The following VSNL1 variants were observed in gnomAD, a reference collection of about 807,000 sequenced individuals.
VSNL1 encodes visinin like 1.
A neutral mutation model predicts 20.4 loss-of-function variants in VSNL1; 6 were observed. The ratio of observed to expected loss-of-function variants is 0.29; its 90% CI spans 0.16 to 0.58. The LOEUF is 0.58. Among genes scored for constraint, VSNL1 ranks in the 20% least tolerant of loss-of-function variants. The probability of loss-of-function intolerance (pLI) is 0.90; values close to 1 mark genes in which losing one functional copy is unlikely to be tolerated. For missense variants in VSNL1, 100 were observed against 234.5 expected, an observed-to-expected ratio of 0.43 and a Z score of 3.75; for synonymous variants, 93 against 86.4, an observed-to-expected ratio of 1.08 and a Z score of -0.42.
At chr2:17,602,097 A>G (rs1664833683) in intron 2 of VSNL1, among the ~76,000 whole-genome samples, 1 of 152,188 alleles carries the variant, frequency 6.6e-6, no homozygotes, top group African/African-American at 2.4e-5. Flanking sequence ...GGATCTGGCT[A>G]TCACTGACCC....
At position 17,549,258 on chromosome 2, in the gene VSNL1, G is replaced by C. The variant is rs115396616; in HGVS notation, c.-6+8340G>C. Among the ~76,000 whole-genome samples, 804 of 152,278 alleles carry C rather than the reference G, an allele frequency of 5.3e-3. 8 individuals carry two copies. Among genetic ancestry groups the C allele is most frequent in the African/African-American group, 0.019 (781 of 41,564 alleles). On this transcript the variant is annotated intron_variant, in intron 1 of 3. Transcript: ENST00000295156. ...CATGTTGCAGAACATGTTCAGATCA[G>C]GTTTAGCCTATCAGAACCTTCATTT...
At chr2:17,555,398 C>T (rs1419864120) in intron 1 of VSNL1, among the ~76,000 whole-genome samples, 1 of 152,154 alleles carries the variant, frequency 6.6e-6, no homozygotes, top group Non-Finnish European at 1.5e-5. Flanking sequence ...GGCTGAGATC[C>T]TGGAGCACTG....
chr2:17,589,013 T>A (rs1490144972), intron 1 of VSNL1, among the ~76,000 whole-genome samples: 25 of 152,098 alleles, frequency 1.6e-4, no homozygotes. Context: ...AAATACATAA[T>A]GATCATGGAA....
chr2:17,641,499 G>A (rs1228374388), intron 2 of VSNL1, among the ~76,000 whole-genome samples: 1 of 152,210 alleles, frequency 6.6e-6, no homozygotes, highest in Admixed American at 6.5e-5. Context: ...AAGAGTAATA[G>A]GTTGGTGGTT....
At chr2:17,547,720 T>G (rs1298665435) in intron 1 of VSNL1, among the ~76,000 whole-genome samples, 1 of 152,158 alleles carries the variant, frequency 6.6e-6, no homozygotes, top group Non-Finnish European at 1.5e-5. Context: ...CCCTTTCCAT[T>G]ATGCCTTTAC....
At chr2:17,605,183 T>A (rs577493896) in intron 2 of VSNL1, among the ~76,000 whole-genome samples, 28 of 152,256 alleles carry the variant, frequency 1.8e-4, no homozygotes, top group Non-Finnish European at 4.1e-4. Context: ...ACTCTAATTA[T>A]GACTGGGGAT....
At chr2:17,561,035 A>C (rs913326582) in intron 1 of VSNL1, among the ~76,000 whole-genome samples, 1 of 152,200 alleles carries the variant, frequency 6.6e-6, no homozygotes, top group African/African-American at 2.4e-5. Context: ...TATGACAGTT[A>C]ATCCAACTCA....
At position 17,644,611 on chromosome 2, in the gene VSNL1, C is replaced by T. The variant is rs564127549; in HGVS notation, c.163-4799C>T. On this transcript the variant is annotated intron_variant, in intron 2 of 3. Transcript: ENST00000295156. ...CTCAGATGGCACTGAGTTTGATCCT[C>T]CTGCACCCCTTAGTGATGTGACCTC... Among the ~76,000 whole-genome samples the T allele has an allele frequency of 1.5e-3, 226 of 152,338 alleles. 3 individuals carry two copies. The highest frequency in any genetic ancestry group is 3.4e-3 in the Middle Eastern group (1 of 294).
At chr2:17,597,562 T>C (rs1010929491) in intron 2 of VSNL1, among the ~76,000 whole-genome samples, 3 of 152,156 alleles carry the variant, frequency 2.0e-5, no homozygotes, top group Non-Finnish European at 4.4e-5. Context: ...TTGATCATCA[T>C]TGATTTAACA....
At chr2:17,553,413 T>G (rs1663596615) in intron 1 of VSNL1, among the ~76,000 whole-genome samples, 1 of 152,116 alleles carries the variant, frequency 6.6e-6, no homozygotes, top group African/African-American at 2.4e-5. Context: ...ATAGAAAAAT[T>G]AAAATATGGC....
intron 2 of VSNL1, among the ~76,000 whole-genome samples, chr2:17,646,865 G>A (rs16983747): frequency 0.014 from 2,094 of 152,246 alleles, 27 homozygotes; most frequent in African/African-American, 0.033. Flanking sequence ...AAATTGAAGG[G>A]AATGCAGCTT....
At chr2:17,548,043 C>T (rs1663440906) in intron 1 of VSNL1, among the ~76,000 whole-genome samples, 1 of 152,066 alleles carries the variant, frequency 6.6e-6, no homozygotes, top group African/African-American at 2.4e-5. Context: ...CTCTATTTTT[C>T]CAACCCATTT....
chr2:17,578,064 G>T (rs556787583), intron 1 of VSNL1, among the ~76,000 whole-genome samples: 8 of 152,246 alleles, frequency 5.3e-5, no homozygotes, highest in African/African-American at 1.7e-4. Context: ...ATAAGCTGTT[G>T]TTATTACTGC....
chr2:17,646,244 T>C (rs764870238), intron 2 of VSNL1, among the ~76,000 whole-genome samples: 2 of 152,228 alleles, frequency 1.3e-5, no homozygotes, highest in South Asian at 2.1e-4. Context: ...GCAGTACATA[T>C]GTGCTGCCAG....
At chr2:17,636,241 C>T (rs1234874262) in intron 2 of VSNL1, among the ~76,000 whole-genome samples, 1 of 151,826 alleles carries the variant, frequency 6.6e-6, no homozygotes, top group Non-Finnish European at 1.5e-5. Flanking sequence ...ACATGGATTC[C>T]ACCAAGCTCC....
chr2:17,544,569 T>C (rs2880657), intron 1 of VSNL1, among the ~76,000 whole-genome samples: 3 of 152,216 alleles, frequency 2.0e-5, no homozygotes, highest in African/African-American at 4.8e-5. Flanking sequence ...CATGTAGTTA[T>C]GAATTCCAAA....
intron 2 of VSNL1, among the ~76,000 whole-genome samples, chr2:17,632,014 G>A (rs766763928): frequency 7.2e-5 from 11 of 152,042 alleles, no homozygotes; most frequent in East Asian, 1.9e-4. Flanking sequence ...AGCCTCCCAC[G>A]TAGCTGGGAC....
chr2:17,565,636 G>A lies in VSNL1; in HGVS notation c.-6+24718G>A, dbSNP rs1663918712. Among the ~76,000 whole-genome samples the A allele has an allele frequency of 2.6e-5, 4 of 152,102 alleles. No individual in the cohort carries two copies. The South Asian group carries it at 8.3e-4, about 32-fold the overall frequency. On this transcript the variant is annotated intron_variant, in intron 1 of 3. Coordinates refer to ENST00000295156, the MANE Select transcript of VSNL1 (RefSeq NM_003385.5). ...ATAGTTAGTGCCTAATACAACAACA[G>A]AGAAAGAAAAATATATTCAATAAAA...
intron 1 of VSNL1, among the ~76,000 whole-genome samples, chr2:17,555,649 C>T (rs1042860998): frequency 1.3e-5 from 2 of 152,104 alleles, no homozygotes; most frequent in Non-Finnish European, 2.9e-5. Flanking sequence ...AGAATTCACT[C>T]ATTTATGTTT....
Sources: allele counts gnomAD v4.1 joint callset (sites outside exome capture counted in the v4.1 genomes callset), GRCh38; gene constraint gnomAD v4.1.1; transcripts MANE v1.5; gene names NCBI Gene and HGNC (gene_info 2026-07-23, HGNC 2026-07-21).